The following CDH13 variants were observed in gnomAD, a reference collection of about 807,000 sequenced individuals.
CDH13 encodes cadherin-13.
A neutral mutation model predicts 63.8 loss-of-function variants in CDH13; 24 were observed. That is an observed-to-expected ratio of 0.38 (90% CI 0.27 to 0.53). The LOEUF (loss-of-function observed/expected upper bound fraction) is 0.53, where lower values mean the gene tolerates loss of function less well. Ranked by LOEUF, CDH13 falls within the 20% of genes least tolerant of loss-of-function variation. CDH13 has a pLI of 0.85. For synonymous variants in CDH13, 503 were observed against 355.3 expected, an observed-to-expected ratio of 1.42 and a Z score of -4.67; for missense variants, 1,049 against 903.1, an observed-to-expected ratio of 1.16 and a Z score of -2.07.
chr16:83,204,684 T>A (rs996155495), intron 4 of CDH13, among the ~76,000 whole-genome samples: 1 of 152,154 alleles, frequency 6.6e-6, no homozygotes, highest in East Asian at 1.9e-4. Flanking sequence ...TTAATCAGGA[T>A]AGGTTAGGCT....
At chr16:82,988,986 C>T (rs1270145755) in intron 2 of CDH13, among the ~76,000 whole-genome samples, 1 of 152,006 alleles carries the variant, frequency 6.6e-6, no homozygotes, top group Non-Finnish European at 1.5e-5. Flanking sequence ...CCTAAGTGAG[C>T]CCTCTGGATA....
intron 1 of CDH13, among the ~76,000 whole-genome samples, chr16:82,745,275 G>C (rs1597459159): frequency 6.6e-6 from 1 of 152,176 alleles, no homozygotes; most frequent in African/African-American, 2.4e-5. Flanking sequence ...CCAAGCTTCA[G>C]TAGCCTTTCC....
intron 2 of CDH13, among the ~76,000 whole-genome samples, chr16:82,891,353 G>C (rs2041075794): frequency 6.6e-6 from 1 of 152,094 alleles, no homozygotes; most frequent in Non-Finnish European, 1.5e-5. Context: ...TGCATTTTAG[G>C]AGCTTTTAAA....
intron 4 of CDH13, among the ~76,000 whole-genome samples, chr16:83,177,258 C>T (rs1480627753): frequency 1.3e-5 from 2 of 152,020 alleles, no homozygotes; most frequent in Non-Finnish European, 2.9e-5. Context: ...CAATTGATAA[C>T]ATTGCTCATG....
rs547239007 is a variant in CDH13 at position 83,181,520 on chromosome 16, G to A, written c.484-35825G>A. Among the ~76,000 whole-genome samples, 388 of 152,278 alleles carry A rather than the reference G, an allele frequency of 2.5e-3. 3 individuals are homozygous for A. The highest frequency in any genetic ancestry group is 4.3e-3 in the Non-Finnish European group (294 of 68,026). Reference sequence around the variant, plus strand: ...TGACAATTGGCTTTTCTTCAATAAAGCAAAAATACCCTCAGTTATGTCATC... The same window carrying A: ...TGACAATTGGCTTTTCTTCAATAAAACAAAAATACCCTCAGTTATGTCATC... On this transcript the variant is annotated intron_variant, in intron 4 of 13. Coordinates refer to ENST00000567109, the MANE Select transcript of CDH13 (RefSeq NM_001257.5).
intron 7 of CDH13, among the ~76,000 whole-genome samples, chr16:83,493,370 G>C (rs185209784): frequency 6.6e-6 from 1 of 152,348 alleles, no homozygotes; most frequent in East Asian, 1.9e-4. Flanking sequence ...AGCAATAAAA[G>C]CTAGTAAATA....
chr16:83,550,437 G>A (rs1804229481), intron 7 of CDH13, among the ~76,000 whole-genome samples: 1 of 152,238 alleles, frequency 6.6e-6, no homozygotes, highest in Non-Finnish European at 1.5e-5. Context: ...GTGACATTTG[G>A]TGATTGAATG....
intron 10 of CDH13, among the ~76,000 whole-genome samples, chr16:83,684,477 A>C (rs543034296): frequency 2.6e-5 from 4 of 152,348 alleles, no homozygotes; most frequent in African/African-American, 7.2e-5. Flanking sequence ...TAACGCTTCC[A>C]TCAGATCCCT....
At chr16:83,730,684 G>T (rs778278855) in intron 10 of CDH13, among the ~76,000 whole-genome samples, 1 of 152,130 alleles carries the variant, frequency 6.6e-6, no homozygotes, top group African/African-American at 2.4e-5. Flanking sequence ...TGAGCTTTTA[G>T]ATTCAGGGGG....
At chr16:83,302,091 G>A (rs375992266) in intron 5 of CDH13, among the ~76,000 whole-genome samples, 2 of 152,102 alleles carry the variant, frequency 1.3e-5, no homozygotes, top group East Asian at 3.9e-4. Flanking sequence ...TCATGTTGTT[G>A]TGAGTACTAC....
At chr16:83,093,758 G>C (rs1362837988) in intron 3 of CDH13, among the ~76,000 whole-genome samples, 2 of 152,124 alleles carry the variant, frequency 1.3e-5, no homozygotes, top group African/African-American at 2.4e-5. Context: ...TCAGTCCTTT[G>C]TCCAAGGAAT....
intron 6 of CDH13, among the ~76,000 whole-genome samples, chr16:83,472,469 T>A (rs1038729212): frequency 6.6e-6 from 1 of 152,104 alleles, no homozygotes; most frequent in East Asian, 1.9e-4. Context: ...AGCCCTGAGG[T>A]CGGCCCCGGG....
At chr16:83,424,970 T>C (rs930836484) in intron 6 of CDH13, among the ~76,000 whole-genome samples, 1 of 152,184 alleles carries the variant, frequency 6.6e-6, no homozygotes, top group Admixed American at 6.5e-5. Context: ...AACCTTTTGC[T>C]GCAACAAAAA....
intron 5 of CDH13, among the ~76,000 whole-genome samples, chr16:83,264,585 T>C (rs1011026472): frequency 1.4e-4 from 21 of 151,956 alleles, no homozygotes; most frequent in African/African-American, 4.4e-4. Flanking sequence ...TGTGTATATA[T>C]ATATATGCCC....
At chr16:82,847,882 T>C (rs1333504532) in intron 1 of CDH13, among the ~76,000 whole-genome samples, 3 of 136,076 alleles carry the variant, frequency 2.2e-5, no homozygotes, top group Non-Finnish European at 4.7e-5. Context: ...TTTTATTGTT[T>C]TCTTGTGCTT....
intron 5 of CDH13, among the ~76,000 whole-genome samples, chr16:83,298,684 T>G (rs1025957559): frequency 2.6e-5 from 4 of 152,210 alleles, no homozygotes; most frequent in Admixed American, 6.5e-5. Flanking sequence ...AGAATCACTC[T>G]TGATTAACCA....
At chr16:83,494,373 A>AT (rs1436467100) in intron 7 of CDH13, among the ~76,000 whole-genome samples, 10 of 152,174 alleles carry the variant, frequency 6.6e-5, no homozygotes, top group African/African-American at 2.4e-4. Flanking sequence ...TCATCAAGAG[A>AT]TTTTCCAGTT....
At chr16:83,743,768 C>CTTTTTCCCTCCCCCTGAT (rs57379661) in intron 10 of CDH13, among the ~76,000 whole-genome samples, 1 of 106,076 alleles carries the variant, frequency 9.4e-6, no homozygotes, top group Admixed American at 1.3e-4. Flanking sequence ...TTTTTTTTTT[C>CTTTTTCCCTCCCCCTGAT]TTTGCTTTTT....
chr16:82,904,252 A>AT (rs1221194904), intron 2 of CDH13, among the ~76,000 whole-genome samples: 1 of 152,200 alleles, frequency 6.6e-6, no homozygotes, highest in Non-Finnish European at 1.5e-5. Flanking sequence ...GATCTAACCG[A>AT]TATGCCTCAG....
Sources: gnomAD v4.1 joint callset for allele counts (sites outside exome capture counted in the v4.1 genomes callset) on GRCh38, gnomAD v4.1.1 for gene constraint, MANE v1.5 for transcripts, NCBI Gene and HGNC (gene_info 2026-07-23, HGNC 2026-07-21) for gene names.